CACNB4: variants seen among roughly 807,000 people sequenced by gnomAD.
CACNB4 encodes the protein voltage-dependent L-type calcium channel subunit beta-4.
CACNB4 carries 32 observed loss-of-function variants against 71.2 expected under a neutral mutation model. The observed-to-expected ratio is 0.45, with a 90% CI of 0.34 to 0.60. The LOEUF (loss-of-function observed/expected upper bound fraction) is 0.60, where lower values mean the gene tolerates loss of function less well. CACNB4 is among the 20% of genes least tolerant of loss of function. CACNB4 has a pLI of 0.01. For synonymous variants in CACNB4, 231 were observed against 236.9 expected (o/e 0.97, Z 0.23); for missense variants, 464 against 647.9 (o/e 0.72, Z 3.08).
chr2:152,082,760 G>T (rs1687431822), intron 2 of CACNB4, among the ~76,000 whole-genome samples: 1 of 152,142 alleles, frequency 6.6e-6, no homozygotes, highest in African/African-American at 2.4e-5. Context: ...TTTGAAACTT[G>T]CTACATATTT....
At chr2:152,019,863 C>G (rs145086712) in intron 2 of CACNB4, among the ~76,000 whole-genome samples, 4 of 152,304 alleles carry the variant, frequency 2.6e-5, no homozygotes, top group African/African-American at 9.6e-5. Context: ...ACAACTGAGA[C>G]AGGCAGGAGG....
chr2:152,059,272 G>A (rs1159053736), intron 2 of CACNB4, among the ~76,000 whole-genome samples: 3 of 152,240 alleles, frequency 2.0e-5, no homozygotes, highest in Non-Finnish European at 4.4e-5. Flanking sequence ...CAGATCCACT[G>A]ACAGCCTGCA....
chr2:151,890,592 A>G (rs1421897912), intron 2 of CACNB4, among the ~76,000 whole-genome samples: 1 of 152,178 alleles, frequency 6.6e-6, no homozygotes, highest in Non-Finnish European at 1.5e-5. Context: ...CCCCTATAAA[A>G]TCTGGTGCAA....
At chr2:151,964,221 C>A (rs1231650334) in intron 2 of CACNB4, among the ~76,000 whole-genome samples, 2 of 151,962 alleles carry the variant, frequency 1.3e-5, no homozygotes, top group Non-Finnish European at 1.5e-5. Context: ...TAAGAAGAAT[C>A]CATTGATATG....
At chr2:151,886,813 T>C (rs1267952672) in intron 2 of CACNB4, among the ~76,000 whole-genome samples, 1 of 152,208 alleles carries the variant, frequency 6.6e-6, no homozygotes, top group African/African-American at 2.4e-5. Context: ...TGTTTTTATT[T>C]ATTTTTGGTT....
chr2:151,951,712 G>A (rs143582299), intron 2 of CACNB4, among the ~76,000 whole-genome samples: 6 of 152,184 alleles, frequency 3.9e-5, no homozygotes, highest in African/African-American at 1.2e-4. Context: ...GCAGACTGCA[G>A]CAGTTGGCTT....
At chr2:151,880,950 T>C in intron 3 of CACNB4, 28 bp from the exon 4 acceptor site, 1 of 1,578,044 alleles carries the variant, frequency 6.3e-7, no homozygotes, top group Non-Finnish European at 8.6e-7. Flanking sequence ...GAATAAGGAA[T>C]GAGGAAGGGA....
chr2:152,028,387 C>T (rs947759106), intron 2 of CACNB4, among the ~76,000 whole-genome samples: 10 of 152,164 alleles, frequency 6.6e-5, no homozygotes, highest in Non-Finnish European at 1.3e-4. Context: ...AATGAGTCAA[C>T]ATGAATTCTC....
chr2:151,994,032 T>A (rs1176278019), intron 2 of CACNB4, among the ~76,000 whole-genome samples: 1 of 151,312 alleles, frequency 6.6e-6, no homozygotes, highest in African/African-American at 2.4e-5. Flanking sequence ...ATTAGCTGAG[T>A]ATGGTGGTGT....
chr2:151,987,244 G>A (rs1027991205), intron 2 of CACNB4, among the ~76,000 whole-genome samples: 1 of 152,214 alleles, frequency 6.6e-6, no homozygotes. Context: ...AATTGACAAT[G>A]ATGGATAGGC....
At chr2:152,036,961 T>C (rs969230351) in intron 2 of CACNB4, among the ~76,000 whole-genome samples, 4 of 152,254 alleles carry the variant, frequency 2.6e-5, no homozygotes, top group Non-Finnish European at 5.9e-5. Flanking sequence ...TATCATGAAC[T>C]TCAGCTTCAA....
At chr2:151,909,349 T>G (rs941456615) in intron 2 of CACNB4, among the ~76,000 whole-genome samples, 1 of 150,744 alleles carries the variant, frequency 6.6e-6, no homozygotes, top group African/African-American at 2.4e-5. Flanking sequence ...GCAGGGAGAA[T>G]TGCTTGAACC....
At chr2:152,032,256 A>G (rs1436896468) in intron 2 of CACNB4, among the ~76,000 whole-genome samples, 1 of 152,166 alleles carries the variant, frequency 6.6e-6, no homozygotes, top group Non-Finnish European at 1.5e-5. Flanking sequence ...CGGATAAGAA[A>G]TTGGCCTGAG....
At chr2:151,867,839 TC>T (rs1217523582) in intron 9 of CACNB4, 23 of 152,324 alleles carry the variant, frequency 1.5e-4, no homozygotes, top group Admixed American at 1.4e-3. Flanking sequence ...GAACAAACTT[TC>T]TGCCCAATTC....
chr2:151,995,251 A>G (rs960743788), intron 2 of CACNB4, among the ~76,000 whole-genome samples: 3 of 151,378 alleles, frequency 2.0e-5, no homozygotes, highest in Admixed American at 6.6e-5. Flanking sequence ...ATAAAAATGT[A>G]CCTCAAAAAC....
At chr2:151,877,094 GAT>G (rs2099846617) in intron 4 of CACNB4, among the ~76,000 whole-genome samples, 1 of 95,494 alleles carries the variant, frequency 1.0e-5, no homozygotes, top group Non-Finnish European at 2.4e-5. Context: ...TATACACATA[GAT>G]ATCTATATAT....
Position 151,870,122 on chromosome 2 carries a change from G to A in CACNB4, c.699+409C>T, listed in dbSNP as rs1050825588. ...CATCATCTTAAAAACCCAGCAGGGT[G>A]AACTCTGTTTGGGCTTTAAAGGTTT... On this transcript the variant is annotated intron_variant, in intron 8 of 13. Coordinates refer to ENST00000539935, the MANE Select transcript of CACNB4 (RefSeq NM_000726.5). The A allele has an allele frequency of 4.7e-5, 29 of 612,042 alleles. No individual in the cohort carries two copies. In the East Asian group the frequency reaches 7.9e-4, roughly 17 times the overall value. The allele number at this position is 612,042 out of a possible 1,614,324, so 37.9% of individuals were successfully genotyped here.
At chr2:152,095,540 T>C (rs895558336) in intron 2 of CACNB4, among the ~76,000 whole-genome samples, 5 of 152,164 alleles carry the variant, frequency 3.3e-5, no homozygotes, top group Admixed American at 2.0e-4. Flanking sequence ...ACTATCTTCT[T>C]CAAAGGCATC....
At position 152,065,420 on chromosome 2, in the gene CACNB4, A is replaced by C. The variant is rs192697922; in HGVS notation, c.147+32910T>G. ...AAAAAAAGAGAGAGAGAGAAGTTAC[A>C]TGCTTTTTCCCCAGGGAACTTCACT... On this transcript the variant is annotated intron_variant, in intron 2 of 13. Coordinates refer to ENST00000539935, the MANE Select transcript of CACNB4 (RefSeq NM_000726.5). Among the ~76,000 whole-genome samples the C allele has an allele frequency of 1.3e-3, 202 of 151,798 alleles. 1 individual carries two copies. The highest frequency in any genetic ancestry group is 4.7e-3 in the African/African-American group (196 of 41,472).
Sources: allele counts gnomAD v4.1 joint callset (sites outside exome capture counted in the v4.1 genomes callset), GRCh38; gene constraint gnomAD v4.1.1; transcripts MANE v1.5; gene names NCBI Gene and HGNC (gene_info 2026-07-23, HGNC 2026-07-21).